SUSD5: variants seen among roughly 807,000 people sequenced by gnomAD.
SUSD5 encodes sushi domain containing 5.
In SUSD5, 33 loss-of-function variants were observed where a neutral mutation model predicts 29.5. That is an observed-to-expected ratio of 1.12 (90% confidence interval 0.85 to 1.49). The LOEUF is 1.49. Among genes scored for constraint, SUSD5 ranks in the 40% most tolerant of loss-of-function variants. SUSD5 has a pLI of 0.00. For synonymous variants in SUSD5, 308 were observed against 325.3 expected (o/e 0.95, Z 0.57); for missense variants, 776 against 800.6 (o/e 0.97, Z 0.37).
At chr3:33,172,180 AACACACACACACACAC>A (rs10576154) in intron 4 of SUSD5, among the ~76,000 whole-genome samples, 102 of 148,556 alleles carry the variant, frequency 6.9e-4, no homozygotes, top group Non-Finnish European at 8.5e-4. Flanking sequence ...ACTCTTGTAA[AACACACACACACACAC>A]ACACACACAC....
chr3:33,168,489 G>A (rs2031353430), intron 4 of SUSD5: 1 of 980,812 alleles, frequency 1.0e-6, no homozygotes, highest in Non-Finnish European at 1.2e-6. Context: ...AATAATACCT[G>A]TAGAAATGAG....
chr3:33,154,829 T>C (rs2031013822), intron 4 of SUSD5, among the ~76,000 whole-genome samples: 1 of 152,132 alleles, frequency 6.6e-6, no homozygotes, highest in Non-Finnish European at 1.5e-5. Flanking sequence ...AGGCTCAAGA[T>C]CATTAAGTTG....
chr3:33,201,805 A>G (rs1177598968), intron 3 of SUSD5, among the ~76,000 whole-genome samples: 1 of 152,080 alleles, frequency 6.6e-6, no homozygotes, highest in Non-Finnish European at 1.5e-5. Flanking sequence ...ATTCTCCCAA[A>G]GCCATTGGTA....
intron 2 of SUSD5, among the ~76,000 whole-genome samples, chr3:33,212,950 T>C (rs2032348566): frequency 6.6e-6 from 1 of 152,126 alleles, no homozygotes; most frequent in Admixed American, 6.5e-5. Flanking sequence ...TACATATACA[T>C]GCAGATGAGT....
At chr3:33,191,345 T>C (rs2031886296) in intron 3 of SUSD5, among the ~76,000 whole-genome samples, 2 of 152,108 alleles carry the variant, frequency 1.3e-5, no homozygotes, top group Non-Finnish European at 2.9e-5. Context: ...TTAGCCAGGA[T>C]GGTCTTGATC....
At chr3:33,179,078 G>T (rs1014316118) in intron 3 of SUSD5, among the ~76,000 whole-genome samples, 1 of 152,186 alleles carries the variant, frequency 6.6e-6, no homozygotes, top group African/African-American at 2.4e-5. Context: ...GCTTTCTTTG[G>T]AAGGTAATTA....
chr3:33,213,782 C>T (rs1267960382), intron 2 of SUSD5, 146 bp downstream of exon 2: 4 of 933,782 alleles, frequency 4.3e-6, no homozygotes, highest in Non-Finnish European at 6.1e-6. Flanking sequence ...TCAAACAAAA[C>T]AAAACAAAAC....
intron 3 of SUSD5, among the ~76,000 whole-genome samples, chr3:33,193,235 T>A (rs2031932178): frequency 6.6e-6 from 1 of 152,028 alleles, no homozygotes; most frequent in Non-Finnish European, 1.5e-5. Flanking sequence ...AATAACATGA[T>A]CCCCTTGGCG....
At chr3:33,171,081 C>T (rs552760684) in intron 4 of SUSD5, among the ~76,000 whole-genome samples, 10 of 152,210 alleles carry the variant, frequency 6.6e-5, no homozygotes, top group Non-Finnish European at 1.5e-4. Flanking sequence ...GTGGCTCACA[C>T]CTGCAATCCC....
rs536388548 is a variant in SUSD5 at position 33,192,442 on chromosome 3, T to C, written c.409+15366A>G. 1.9e-4 allele frequency among the ~76,000 whole-genome samples: 29 copies of C among 152,118 alleles called. No homozygotes were observed. In the South Asian group the frequency reaches 5.8e-3, roughly 31 times the overall value. Reference sequence around the variant, plus strand: ...AGAGAGTTGAATATTTATTGACCAATTGTATTGCTTCAAAATACTTCTCTA... The same window carrying C: ...AGAGAGTTGAATATTTATTGACCAACTGTATTGCTTCAAAATACTTCTCTA... On this transcript the variant is annotated intron_variant, in intron 3 of 4. Transcript: ENST00000309558.
intron 3 of SUSD5, among the ~76,000 whole-genome samples, chr3:33,196,487 C>T (rs941048601): frequency 3.3e-5 from 5 of 151,920 alleles, no homozygotes; most frequent in Non-Finnish European, 5.9e-5. Context: ...AAAGGTTCCC[C>T]TTGCCCTAAC....
intron 3 of SUSD5, among the ~76,000 whole-genome samples, chr3:33,195,511 T>C (rs1434495095): frequency 3.9e-5 from 6 of 152,154 alleles, no homozygotes; most frequent in Non-Finnish European, 5.9e-5. Flanking sequence ...CTCACAGTTC[T>C]AGATAAATTG....
intron 3 of SUSD5, among the ~76,000 whole-genome samples, chr3:33,180,405 C>T (rs1226997219): frequency 7.9e-5 from 12 of 152,108 alleles, no homozygotes; most frequent in Admixed American, 6.5e-4. Flanking sequence ...CTGTCACTCA[C>T]GTTGGAGTGC....
chr3:33,216,489 C>T (rs913911890), intron 1 of SUSD5, among the ~76,000 whole-genome samples: 11 of 152,168 alleles, frequency 7.2e-5, no homozygotes, highest in African/African-American at 2.7e-4. Context: ...TTGATATCAA[C>T]ACTTGGCAAA....
intron 3 of SUSD5, among the ~76,000 whole-genome samples, chr3:33,185,279 TG>T (rs1225392303): frequency 6.6e-6 from 1 of 152,242 alleles, no homozygotes; most frequent in African/African-American, 2.4e-5. Flanking sequence ...CAGAATATTC[TG>T]GGGTATTTCA....
At position 33,173,016 on chromosome 3, in the gene SUSD5, T is replaced by C. The variant is rs185092719; in HGVS notation, c.598+1870A>G. ...AATGAGAGAAAATACTTGCAACACA[T>C]TAATTATGAATATTTCATGTAAAAA... On this transcript the variant is annotated intron_variant, in intron 4 of 4. Transcript: ENST00000309558. Among the ~76,000 whole-genome samples the C allele has an allele frequency of 5.3e-5, 8 of 152,282 alleles. No individual in the cohort carries two copies. The East Asian group carries it at 7.7e-4, about 15-fold the overall frequency.
chr3:33,152,868 G>T lies in SUSD5; in HGVS notation c.1764C>A (p.Leu588=). 6.2e-7 allele frequency: 1 copy of T among 1,613,936 alleles called. No homozygotes were observed. Among genetic ancestry groups the T allele is most frequent in the African/African-American group, 1.3e-5 (1 of 75,034 alleles). The part of the protein sequence containing the change: ...TIVTVLCLLL[L]LAGVGMVWGY... ...CCCACACCATCCCCACACCTGCCAGGAGCAGCAGTAGGCACAGGACGGTGA... is the reference window on the plus strand; with the variant it reads ...CCCACACCATCCCCACACCTGCCAGTAGCAGCAGTAGGCACAGGACGGTGA... Residue 588 remains leucine, a synonymous_variant, in exon 5 of 5, where the codon CTC becomes CTA. Coordinates refer to ENST00000309558, the MANE Select transcript of SUSD5 (RefSeq NM_015551.2).
intron 3 of SUSD5, among the ~76,000 whole-genome samples, chr3:33,200,233 C>T (rs964418318): frequency 6.6e-6 from 1 of 152,184 alleles, no homozygotes; most frequent in African/African-American, 2.4e-5. Context: ...CTCACAGACA[C>T]CGAACCTGCC....
chr3:33,206,310 G>A (rs2032217251), intron 3 of SUSD5, among the ~76,000 whole-genome samples: 1 of 151,680 alleles, frequency 6.6e-6, no homozygotes, highest in Non-Finnish European at 1.5e-5. Flanking sequence ...GAAGGTGGAG[G>A]CTGCAGTGAG....
Sources: gnomAD v4.1 joint callset for allele counts (sites outside exome capture counted in the v4.1 genomes callset) on GRCh38, gnomAD v4.1.1 for gene constraint, MANE v1.5 for transcripts, NCBI Gene and HGNC (gene_info 2026-07-23, HGNC 2026-07-21) for gene names.